SLC16A12: variants seen among roughly 807,000 people sequenced by gnomAD.
SLC16A12 encodes solute carrier family 16 member 12.
In SLC16A12, 17 loss-of-function variants were observed where a neutral mutation model predicts 42.4. The ratio of observed to expected loss-of-function variants is 0.40; its 90% CI spans 0.27 to 0.60. The LOEUF is 0.60. Ranked by LOEUF, SLC16A12 falls within the 20% of genes least tolerant of loss-of-function variation. The pLI is 0.42. For missense variants in SLC16A12, 544 were observed against 623.0 expected, an observed-to-expected ratio of 0.87 and a Z score of 1.35; for synonymous variants, 224 against 229.4, an observed-to-expected ratio of 0.98 and a Z score of 0.21.
intron 2 of SLC16A12, among the ~76,000 whole-genome samples, chr10:89,534,158 C>T (rs530542793): frequency 1.3e-5 from 2 of 152,272 alleles, no homozygotes; most frequent in African/African-American, 4.8e-5. Context: ...TAATTACTAC[C>T]ACTACTCTTT....
intron 2 of SLC16A12, among the ~76,000 whole-genome samples, chr10:89,463,346 G>C (rs2133749436): frequency 6.6e-6 from 1 of 152,042 alleles, no homozygotes; most frequent in South Asian, 2.1e-4. Context: ...AAATAAATGA[G>C]ACAAAGTAGA....
intron 3 of SLC16A12, among the ~76,000 whole-genome samples, chr10:89,446,332 A>T (rs574442221): frequency 6.6e-6 from 1 of 152,348 alleles, no homozygotes; most frequent in Non-Finnish European, 1.5e-5. Flanking sequence ...GAAATGAAGG[A>T]AAAAATGTTA....
intron 2 of SLC16A12, among the ~76,000 whole-genome samples, chr10:89,474,953 A>G (rs946746330): frequency 5.9e-5 from 9 of 152,194 alleles, no homozygotes; most frequent in African/African-American, 1.9e-4. Context: ...CTGGCCTTTA[A>G]GCTGCGTCTT....
At chr10:89,476,279 G>C (rs999529096) in intron 2 of SLC16A12, among the ~76,000 whole-genome samples, 2 of 152,286 alleles carry the variant, frequency 1.3e-5, no homozygotes, top group African/African-American at 4.8e-5. Context: ...CTATTATTGA[G>C]AACAGTGCTG....
chr10:89,458,173 A>T (rs1257149535), intron 3 of SLC16A12, among the ~76,000 whole-genome samples: 1 of 152,236 alleles, frequency 6.6e-6, no homozygotes, highest in Non-Finnish European at 1.5e-5. Flanking sequence ...TGCCAAATCT[A>T]AGTAGCTGTT....
chr10:89,433,801 T>C (rs1236801064), intron 7 of SLC16A12, among the ~76,000 whole-genome samples: 2 of 152,230 alleles, frequency 1.3e-5, no homozygotes, highest in Admixed American at 6.5e-5. Context: ...TTGTACTCTA[T>C]CCAGTTTGAA....
chr10:89,469,652 T>C (rs1174560182), intron 2 of SLC16A12, among the ~76,000 whole-genome samples: 1 of 152,222 alleles, frequency 6.6e-6, no homozygotes, highest in African/African-American at 2.4e-5. Context: ...TAAATTTGTC[T>C]GTAGCCACAA....
intron 2 of SLC16A12, among the ~76,000 whole-genome samples, chr10:89,551,034 G>A (rs1843767298): frequency 6.6e-6 from 1 of 152,212 alleles, no homozygotes; most frequent in Non-Finnish European, 1.5e-5. Flanking sequence ...AGTTTTCAAG[G>A]TGTGGAAGTC....
intron 4 of SLC16A12, 84 bp from the exon 5 acceptor site, chr10:89,441,335 G>C: frequency 1.3e-6 from 2 of 1,561,830 alleles, no homozygotes; most frequent in Non-Finnish European, 8.8e-7. Context: ...ACAGAGGAGA[G>C]AACCTTTAAA....
At chr10:89,481,463 C>A (rs1211813385) in intron 2 of SLC16A12, among the ~76,000 whole-genome samples, 8 of 152,030 alleles carry the variant, frequency 5.3e-5, no homozygotes, top group South Asian at 2.1e-4. Flanking sequence ...GAGATTTTAT[C>A]ATTCCACTAA....
chr10:89,500,019 C>A (rs182811087), intron 2 of SLC16A12, among the ~76,000 whole-genome samples: 114 of 152,192 alleles, frequency 7.5e-4, no homozygotes, highest in Middle Eastern at 3.4e-3. Flanking sequence ...ATTATGAATA[C>A]CTTTATGGGC....
Position 89,492,702 on chromosome 10 carries a change from C to T in SLC16A12, c.-46-30078G>A, listed in dbSNP as rs144324794. Among the ~76,000 whole-genome samples the T allele has an allele frequency of 1.4e-4, 22 of 152,048 alleles. 1 individual carries two copies. The highest frequency in any genetic ancestry group is 4.3e-4 in the African/African-American group (18 of 41,484). On this transcript the variant is annotated intron_variant, in intron 2 of 7. Transcript: ENST00000371790. Reference sequence around the variant, plus strand: ...TTAAGTATTCATAAGATAAAAAAGACAATCTACATTTGTTGTATAGCACCA... The same window carrying T: ...TTAAGTATTCATAAGATAAAAAAGATAATCTACATTTGTTGTATAGCACCA...
intron 2 of SLC16A12, among the ~76,000 whole-genome samples, chr10:89,500,591 C>T (rs761011627): frequency 2.3e-4 from 35 of 152,168 alleles, no homozygotes; most frequent in Admixed American, 2.0e-3. Context: ...CGACAAAATC[C>T]GGCATCCTTT....
intron 6 of SLC16A12, among the ~76,000 whole-genome samples, chr10:89,436,651 G>A (rs1017978238): frequency 5.3e-5 from 8 of 152,000 alleles, no homozygotes; most frequent in Admixed American, 2.0e-4. Flanking sequence ...GAAATTAGTC[G>A]TGAAATAAAA....
intron 2 of SLC16A12, among the ~76,000 whole-genome samples, chr10:89,554,399 G>A (rs907551864): frequency 6.6e-6 from 1 of 152,184 alleles, no homozygotes; most frequent in African/African-American, 2.4e-5. Flanking sequence ...TCTAGAGAGG[G>A]AAGCTCTTTT....
In SLC16A12 at chr10:89,457,049, G is replaced by T. The variant is rs148261805; in HGVS notation, c.200+5330C>A. Among the ~76,000 whole-genome samples the T allele has an allele frequency of 1.5e-3, 232 of 152,226 alleles. 3 individuals carry two copies. In the East Asian group the frequency reaches 0.024, roughly 15 times the overall value. On this transcript the variant is annotated intron_variant, in intron 3 of 7. Transcript: ENST00000371790. ...ATATATCTTTATATTATAATAGAAT[G>T]ATTTATATTCCTTTGGGTATATACC...
intron 3 of SLC16A12, among the ~76,000 whole-genome samples, chr10:89,444,763 G>A (rs1242116054): frequency 6.6e-6 from 1 of 152,178 alleles, no homozygotes; most frequent in Non-Finnish European, 1.5e-5. Flanking sequence ...TTGGACAGTG[G>A]GTGTAGCCCA....
chr10:89,522,543 G>A (rs1843373489), intron 2 of SLC16A12, among the ~76,000 whole-genome samples: 1 of 152,160 alleles, frequency 6.6e-6, no homozygotes, highest in Non-Finnish European at 1.5e-5. Flanking sequence ...GAGATTAATG[G>A]CAAAACATAA....
chr10:89,530,631 G>A (rs1170567255), intron 2 of SLC16A12, among the ~76,000 whole-genome samples: 1 of 152,060 alleles, frequency 6.6e-6, no homozygotes, highest in East Asian at 1.9e-4. Context: ...GTGTTAGCCA[G>A]GATGCTCTCG....
Sources: allele counts gnomAD v4.1 joint callset (sites outside exome capture counted in the v4.1 genomes callset), GRCh38; gene constraint gnomAD v4.1.1; transcripts MANE v1.5; gene names NCBI Gene and HGNC (gene_info 2026-07-23, HGNC 2026-07-21).